TBC1D30: variants seen among roughly 807,000 people sequenced by gnomAD.
The protein encoded by TBC1D30 is TBC1 domain family member 30.
TBC1D30 carries 31 observed loss-of-function variants against 63.2 expected under a neutral mutation model. The ratio of observed to expected loss-of-function variants is 0.49; its 90% CI spans 0.37 to 0.66. The LOEUF is 0.66. Ranked by LOEUF, TBC1D30 falls within the 30% of genes least tolerant of loss-of-function variation. The pLI, the probability that TBC1D30 is intolerant of heterozygous loss-of-function variation, is 0.00. For synonymous variants in TBC1D30, 307 were observed against 361.5 expected (o/e 0.85, Z 1.71); for missense variants, 810 against 953.6 (o/e 0.85, Z 1.98).
At chr12:64,760,473 G>T (rs1253350763) in intron 1 of TBC1D30, among the ~76,000 whole-genome samples, 1 of 152,100 alleles carries the variant, frequency 6.6e-6, no homozygotes, top group African/African-American at 2.4e-5. Flanking sequence ...TGAGGCATGA[G>T]AATCGCTTGA....
chr12:64,875,547 G>T lies in TBC1D30; in HGVS notation c.2045G>T (p.Cys682Phe). The change falls in exon 12 of 12, where the codon TGC (cysteine) becomes TTC (phenylalanine). Residue 682 changes from cysteine (C) to phenylalanine (F), a missense_variant. Cys to Phe is a radical substitution (Grantham distance 205, BLOSUM62 -2). Coordinates refer to ENST00000539867, the MANE Select transcript of TBC1D30 (RefSeq NM_015279.2). ...GTGCACCCACCCTGCCAGCGGCACT[G>T]CCCAGAGCCGCCGAGTGCACCCGAA... ...LRVHPPCQRH[C>F]PEPPSAPEEN... 2.0e-6 allele frequency: 3 copies of T among 1,536,106 alleles called. No individual in the cohort carries two copies. The South Asian group carries it at 3.6e-5, about 18-fold the overall frequency.
At chr12:64,784,209 C>T (rs1006749605) in intron 1 of TBC1D30, among the ~76,000 whole-genome samples, 3 of 151,940 alleles carry the variant, frequency 2.0e-5, no homozygotes, top group Non-Finnish European at 4.4e-5. Flanking sequence ...TTTATAAAGA[C>T]CATACCCATT....
intron 11 of TBC1D30, among the ~76,000 whole-genome samples, chr12:64,873,868 A>G (rs1592667709): frequency 6.6e-6 from 1 of 152,142 alleles, no homozygotes. Context: ...GTAAATGACA[A>G]CAGTAGAGAA....
Position 64,877,803 on chromosome 12 carries a change from C to T in TBC1D30, c.*2015C>T, listed in dbSNP as rs1879194646. On this transcript the variant is annotated 3_prime_UTR_variant, in exon 12 of 12. Coordinates refer to ENST00000539867, the MANE Select transcript of TBC1D30 (RefSeq NM_015279.2). ...TCATATCCTTTTCTTTGCCCCTTCT[C>T]AAATGAGTCAGAATAGTCATGTTCC... 6.6e-6 allele frequency: 1 copy of T among 152,282 alleles called. No homozygotes were observed. The highest frequency in any genetic ancestry group is 1.5e-5 in the Non-Finnish European group (1 of 68,090). 9.4% of individuals were successfully genotyped at this position (152,282 alleles called of 1,614,324 possible).
chr12:64,807,774 C>G (rs1872956791), intron 2 of TBC1D30, among the ~76,000 whole-genome samples: 1 of 151,956 alleles, frequency 6.6e-6, no homozygotes, highest in Non-Finnish European at 1.5e-5. Flanking sequence ...GAGACAGGGT[C>G]TTTCTCTGTT....
chr12:64,868,669 C>G (rs1002826985), intron 10 of TBC1D30: 3 of 298,042 alleles, frequency 1.0e-5, no homozygotes, highest in African/African-American at 6.8e-5. Context: ...ATAGCAGGAA[C>G]CTTCTTTTTC....
intron 1 of TBC1D30, among the ~76,000 whole-genome samples, chr12:64,774,361 A>T (rs1409950815): frequency 6.6e-6 from 1 of 152,202 alleles, no homozygotes; most frequent in Non-Finnish European, 1.5e-5. Context: ...AATTTGGAAA[A>T]CACATTTCAG....
chr12:64,840,281 G>C (rs1273762381), intron 7 of TBC1D30, among the ~76,000 whole-genome samples: 1 of 152,054 alleles, frequency 6.6e-6, no homozygotes, highest in Non-Finnish European at 1.5e-5. Context: ...AGTTTCTTTG[G>C]GTGTGGTAGT....
chr12:64,868,037 C>A, intron 10 of TBC1D30: 1 of 154,826 alleles, frequency 6.5e-6, no homozygotes. Context: ...AGGTCTTTTT[C>A]TTCATTCCAC....
intron 7 of TBC1D30, among the ~76,000 whole-genome samples, chr12:64,842,345 C>A (rs145871859): frequency 1.3e-4 from 20 of 152,198 alleles, no homozygotes; most frequent in African/African-American, 4.6e-4. Context: ...GGCAACAGAG[C>A]AAGACTTTGT....
upstream of TBC1D30, among the ~76,000 whole-genome samples, chr12:64,820,812 G>T (rs1038884021): frequency 6.6e-6 from 1 of 152,212 alleles, no homozygotes; most frequent in Admixed American, 6.5e-5. Flanking sequence ...GGCCATCGCT[G>T]CTTTTAGAGT....
upstream of TBC1D30, among the ~76,000 whole-genome samples, chr12:64,820,864 A>T (rs1247640844): frequency 6.6e-6 from 1 of 152,258 alleles, no homozygotes; most frequent in Admixed American, 6.5e-5. Flanking sequence ...TTGCTATAAA[A>T]GTTGGCAGTC....
intron 5 of TBC1D30, among the ~76,000 whole-genome samples, chr12:64,834,193 A>G (rs1211766909): frequency 6.6e-6 from 1 of 152,170 alleles, no homozygotes; most frequent in Non-Finnish European, 1.5e-5. Context: ...GGTTGGCTTC[A>G]TGAAGAAACA....
At chr12:64,780,879 G>T in exon 1 of TBC1D30, 1 of 1,013,684 alleles carries the variant, frequency 9.9e-7, no homozygotes, top group Non-Finnish European at 1.2e-6. Flanking sequence ...GGCGGCGGTG[G>T]CGAGGCGAGG....
intron 8 of TBC1D30, among the ~76,000 whole-genome samples, chr12:64,853,029 C>G (rs937192223): frequency 6.6e-6 from 1 of 152,130 alleles, no homozygotes; most frequent in Non-Finnish European, 1.5e-5. Flanking sequence ...GCGGAGAGAT[C>G]CACTGCTCTC....
At chr12:64,854,749 C>T (rs1048070172) in intron 8 of TBC1D30, among the ~76,000 whole-genome samples, 14 of 152,164 alleles carry the variant, frequency 9.2e-5, no homozygotes, top group Admixed American at 1.3e-4. Context: ...CCTGCCTTGG[C>T]CTCCCAAAGT....
At chr12:64,814,170 C>T (rs1009442430) in intron 2 of TBC1D30, among the ~76,000 whole-genome samples, 1 of 152,146 alleles carries the variant, frequency 6.6e-6, no homozygotes, top group African/African-American at 2.4e-5. Context: ...CCTCAGCCAC[C>T]TGAGTACCTG....
chr12:64,864,372 T>G (rs963292868), intron 8 of TBC1D30, among the ~76,000 whole-genome samples: 5 of 152,224 alleles, frequency 3.3e-5, no homozygotes, highest in Non-Finnish European at 5.9e-5. Context: ...TCTGCATTAA[T>G]CCATTTATTG....
intron 2 of TBC1D30, among the ~76,000 whole-genome samples, chr12:64,805,719 G>A (rs146734199): frequency 0.011 from 1,668 of 152,184 alleles, 44 homozygotes; most frequent in African/African-American, 0.038. Flanking sequence ...TGTAGTCCCA[G>A]CTACTTGGGA....
Sources: allele counts gnomAD v4.1 joint callset (sites outside exome capture counted in the v4.1 genomes callset), GRCh38; gene constraint gnomAD v4.1.1; transcripts MANE v1.5; gene names NCBI Gene and HGNC (gene_info 2026-07-23, HGNC 2026-07-21).